CDIN1: variants seen among roughly 807,000 people sequenced by gnomAD.
CDIN1 encodes the protein CDAN1-interacting nuclease 1.
CDIN1 carries 33 observed loss-of-function variants against 45.3 expected under a neutral mutation model. The observed-to-expected ratio is 0.73, with a 90% CI of 0.55 to 0.97. The LOEUF is 0.97. Ranked by LOEUF, CDIN1 falls within the 50% of genes least tolerant of loss-of-function variation. CDIN1 has a pLI of 0.00. For synonymous variants in CDIN1, 118 were observed against 124.4 expected (o/e 0.95, Z 0.34); for missense variants, 303 against 339.4 (o/e 0.89, Z 0.84).
At chr15:36,731,454 C>T (rs1466023808) in intron 10 of CDIN1, among the ~76,000 whole-genome samples, 3 of 152,030 alleles carry the variant, frequency 2.0e-5, no homozygotes, top group African/African-American at 4.8e-5. Flanking sequence ...ACTGCATCAC[C>T]GATCTTTTTG....
chr15:36,650,225 A>G (rs556787203), intron 3 of CDIN1, among the ~76,000 whole-genome samples: 1 of 152,308 alleles, frequency 6.6e-6, no homozygotes, highest in African/African-American at 2.4e-5. Context: ...ATGTGCACCA[A>G]TTTAGGCGGA....
intron 1 of CDIN1, among the ~76,000 whole-genome samples, chr15:36,612,109 C>T (rs1368033520): frequency 6.6e-6 from 1 of 152,200 alleles, no homozygotes; most frequent in Non-Finnish European, 1.5e-5. Flanking sequence ...CAGAACATGA[C>T]TTCCAAGAAC....
chr15:36,688,255 A>T (rs913400144), intron 5 of CDIN1, among the ~76,000 whole-genome samples: 4 of 144,676 alleles, frequency 2.8e-5, no homozygotes, highest in East Asian at 2.0e-4. Context: ...CTGAGAAATT[A>T]AAAAAAAAAA....
chr15:36,602,755 G>A (rs957947884), intron 1 of CDIN1, among the ~76,000 whole-genome samples: 21 of 152,204 alleles, frequency 1.4e-4, no homozygotes, highest in African/African-American at 4.6e-4. Context: ...GGCAGATCAC[G>A]AGGTCAGGAG....
At position 36,627,942 on chromosome 15, in the gene CDIN1, A is replaced by ATT. The variant is rs35889540; in HGVS notation, c.102-16319_102-16318dup. ...CTGCCGGAGAAGTGGGAGGCCTGTA[A>ATT]TTTTTTTTTTTTTTTTTTAGTACCA... On this transcript the variant is annotated intron_variant, in intron 1 of 10. Transcript: ENST00000566621. 1.8e-3 allele frequency among the ~76,000 whole-genome samples: 258 copies of ATT among 144,302 alleles called. 3 individuals carry two copies. The highest frequency in any genetic ancestry group is 1.0e-2 in the South Asian group (45 of 4,508). The allele number at this position is 144,302 out of a possible 152,430, so 94.7% of individuals were successfully genotyped here.
intron 8 of CDIN1, chr15:36,701,966 C>T (rs1404455281): frequency 1.5e-6 from 1 of 685,404 alleles, no homozygotes; most frequent in Non-Finnish European, 2.7e-6. Flanking sequence ...AGCAATAATA[C>T]TCTGCTGGGG....
chr15:36,645,239 C>T lies in CDIN1; in HGVS notation c.164C>T (p.Thr55Ile). Residue 55 changes from threonine (T) to isoleucine (I), a missense_variant, in exon 3 of 11, where the codon ACA (threonine) becomes ATA (isoleucine). Physicochemically the swap from Thr to Ile is moderately conservative, Grantham distance 89. Coordinates refer to ENST00000566621, the MANE Select transcript of CDIN1 (RefSeq NM_001321759.2). ...SQEYQKHIKR[T>I]HAKHHTSEAI... The stretch of plus-strand genomic sequence containing the variant: ...TTCTTTCAGAAACACATTAAAAGAA[C>T]ACATGCCAAACATCATACTTCGGAA... The T allele has an allele frequency of 1.9e-6, 3 of 1,552,408 alleles. No individual in the cohort carries two copies. Among genetic ancestry groups the T allele is most frequent in the Non-Finnish European group, 1.7e-6 (2 of 1,147,194 alleles).
intron 3 of CDIN1, among the ~76,000 whole-genome samples, chr15:36,646,213 T>C (rs1341386778): frequency 6.6e-6 from 1 of 152,192 alleles, no homozygotes; most frequent in Non-Finnish European, 1.5e-5. Context: ...CATAAAAATT[T>C]TATGAATGAA....
chr15:36,685,661 C>A (rs2042014804), intron 5 of CDIN1, among the ~76,000 whole-genome samples: 2 of 152,142 alleles, frequency 1.3e-5, no homozygotes, highest in African/African-American at 4.8e-5. Context: ...ACCTACTCAT[C>A]TGACAAAGGG....
At chr15:36,792,837 C>T (rs559839398) in intron 10 of CDIN1, among the ~76,000 whole-genome samples, 2 of 152,210 alleles carry the variant, frequency 1.3e-5, no homozygotes, top group South Asian at 4.1e-4. Context: ...AGCATCCCAT[C>T]GGGCCCACCA....
At chr15:36,774,145 T>G (rs2054150786) in intron 10 of CDIN1, among the ~76,000 whole-genome samples, 1 of 86,730 alleles carries the variant, frequency 1.2e-5, no homozygotes, top group South Asian at 5.1e-4. Context: ...TGTGTGTGTG[T>G]GTGTGTGTGT....
In CDIN1 at chr15:36,703,358, CAGAT is replaced by C. The variant is rs1451143087; in HGVS notation, c.545-5860_545-5857del. 1.1e-4 allele frequency among the ~76,000 whole-genome samples: 6 copies of C among 54,028 alleles called. No homozygotes were observed. The South Asian group carries it at 2.1e-3, about 19-fold the overall frequency. 35.4% of individuals were successfully genotyped at this position (54,028 alleles called of 152,430 possible). A position where few individuals can be genotyped will look rare whatever the true frequency, so the allele number is the denominator to read the frequency against. On this transcript the variant is annotated intron_variant, in intron 8 of 10. Coordinates refer to ENST00000566621, the MANE Select transcript of CDIN1 (RefSeq NM_001321759.2). ...AGATCTATCAGATATATACATATAT[CAGAT>C]AGATCTATCATATATATATATATCA...
At chr15:36,741,108 A>C (rs1385971640) in intron 10 of CDIN1, among the ~76,000 whole-genome samples, 1 of 152,058 alleles carries the variant, frequency 6.6e-6, no homozygotes, top group African/African-American at 2.4e-5. Context: ...AGCTTTTTTA[A>C]AGAATTTACT....
In CDIN1 at chr15:36,808,903, G is replaced by C; in HGVS notation, c.*450G>C. ...CCCTTTCTCTTCATGTGCACTCACAGAGACCCAGCATTGCATTACCATCGT... is the reference window on the plus strand; with the variant it reads ...CCCTTTCTCTTCATGTGCACTCACACAGACCCAGCATTGCATTACCATCGT... On this transcript the variant is annotated 3_prime_UTR_variant, in exon 11 of 11. Coordinates refer to ENST00000566621, the MANE Select transcript of CDIN1 (RefSeq NM_001321759.2). 2.2e-6 allele frequency: 1 copy of C among 456,136 alleles called. No homozygotes were observed. Among genetic ancestry groups the C allele is most frequent in the South Asian group, 1.5e-5 (1 of 64,552 alleles). 28.3% of individuals were successfully genotyped at this position (456,136 alleles called of 1,614,324 possible). A position where few individuals can be genotyped will look rare whatever the true frequency, so the allele number is the denominator to read the frequency against.
At chr15:36,753,071 CCTG>C (rs2053517223) in intron 10 of CDIN1, among the ~76,000 whole-genome samples, 1 of 152,144 alleles carries the variant, frequency 6.6e-6, no homozygotes, top group East Asian at 1.9e-4. Context: ...AGCAATGCCT[CCTG>C]CTTTTTTGTG....
At chr15:36,665,368 G>A (rs2041209189) in intron 5 of CDIN1, among the ~76,000 whole-genome samples, 1 of 152,144 alleles carries the variant, frequency 6.6e-6, no homozygotes, top group Admixed American at 6.6e-5. Flanking sequence ...TACAGCAGAG[G>A]ATGGTTTCTT....
intron 3 of CDIN1, chr15:36,647,693 C>A (rs1566864001): frequency 2.0e-5 from 3 of 152,088 alleles, no homozygotes; most frequent in Non-Finnish European, 4.4e-5. Flanking sequence ...GTTTGTTTTC[C>A]AGCAGATTAG....
At chr15:36,646,258 C>T (rs1484795642) in intron 3 of CDIN1, among the ~76,000 whole-genome samples, 1 of 151,916 alleles carries the variant, frequency 6.6e-6, no homozygotes, top group African/African-American at 2.4e-5. Context: ...TGTCATGTTT[C>T]GGTAATCATT....
At chr15:36,613,065 G>A (rs573428729) in intron 1 of CDIN1, among the ~76,000 whole-genome samples, 1 of 152,158 alleles carries the variant, frequency 6.6e-6, no homozygotes, top group Non-Finnish European at 1.5e-5. Context: ...TCTTATTCTT[G>A]TGAAGCTTAA....
Sources: allele counts gnomAD v4.1 joint callset (sites outside exome capture counted in the v4.1 genomes callset), GRCh38; gene constraint gnomAD v4.1.1; transcripts MANE v1.5; gene names NCBI Gene and HGNC (gene_info 2026-07-23, HGNC 2026-07-21).